LRRC36: variants seen among roughly 807,000 people sequenced by gnomAD.
LRRC36 encodes leucine rich repeat containing 36.
Under a neutral mutation model 81.1 loss-of-function variants are expected in LRRC36, and 62 were observed. That is an observed-to-expected ratio of 0.76 (90% confidence interval 0.62 to 0.94). The LOEUF (loss-of-function observed/expected upper bound fraction) is 0.94, where lower values mean the gene tolerates loss of function less well. Among genes scored for constraint, LRRC36 ranks in the 40% least tolerant of loss-of-function variants. LRRC36 has a pLI of 0.00. For synonymous variants in LRRC36, 334 were observed against 348.6 expected (o/e 0.96, Z 0.47); for missense variants, 761 against 881.7 (o/e 0.86, Z 1.73).
chr16:67,328,018 A>G (rs1331282007), intron 1 of LRRC36, among the ~76,000 whole-genome samples: 3 of 152,172 alleles, frequency 2.0e-5, no homozygotes, highest in African/African-American at 7.2e-5. Flanking sequence ...ACTTTTGCTG[A>G]AAATTTTAGC....
intron 2 of LRRC36, among the ~76,000 whole-genome samples, chr16:67,345,189 C>T (rs1477183542): frequency 6.6e-6 from 1 of 151,828 alleles, no homozygotes; most frequent in Non-Finnish European, 1.5e-5. Context: ...GTGCCACATG[C>T]CTGTATTCCC....
rs2038563472 is a variant in LRRC36, at chr16:67,350,293, A to G, written c.577+3A>G. On this transcript the variant is annotated splice_donor_region_variant and intron_variant, in intron 5 of 13. Transcript: ENST00000329956. ...TGTTGACAGCAGGATTGAAATGGGT[A>G]AGTTTTCTCCCTGTGATTATAAAAT... 1.9e-6 allele frequency: 3 copies of G among 1,607,110 alleles called. No homozygotes were observed. The highest frequency in any genetic ancestry group is 2.6e-6 in the Non-Finnish European group (3 of 1,175,032).
chr16:67,384,394 A>G (rs1236245670), intron 13 of LRRC36, among the ~76,000 whole-genome samples: 1 of 152,178 alleles, frequency 6.6e-6, no homozygotes, highest in Admixed American at 6.5e-5. Context: ...AGATCCCACC[A>G]TTGCACTCTA....
chr16:67,379,983 A>G (rs2040051032), intron 12 of LRRC36, among the ~76,000 whole-genome samples: 1 of 152,100 alleles, frequency 6.6e-6, no homozygotes, highest in Non-Finnish European at 1.5e-5. Context: ...TTGTTTTTAT[A>G]ATGGTTATAT....
chr16:67,340,996 ATATAGAATATGTATTC>A (rs1389295058), intron 1 of LRRC36, among the ~76,000 whole-genome samples: 230 of 120,242 alleles, frequency 1.9e-3, no homozygotes, highest in Non-Finnish European at 2.0e-3. Context: ...TGTATATTAT[ATATAGAATATGTATTC>A]TATAGAATAT....
chr16:67,346,348 C>T lies in LRRC36; in HGVS notation c.291C>T (p.Pro97=), dbSNP rs1156725483. ...LVEVSRLQPL[P]FLKELDLRLN... ...AAGTGTCCCGTCTACAACCGTTACC[C>T]TTCCTCAAAGAACTGGATTTGAGAC... The change falls in exon 3 of 14, where the codon CCC becomes CCT. Residue 97 remains proline, a synonymous_variant. Transcript: ENST00000329956. The T allele has an allele frequency of 3.1e-6, 5 of 1,612,862 alleles. No individual in the cohort carries two copies. The highest frequency in any genetic ancestry group is 4.2e-6 in the Non-Finnish European group (5 of 1,178,942).
chr16:67,373,237 A>G (rs887452590), intron 9 of LRRC36, among the ~76,000 whole-genome samples: 3 of 152,174 alleles, frequency 2.0e-5, no homozygotes, highest in South Asian at 2.1e-4. Flanking sequence ...AAATTTCAAT[A>G]TGCTTTTCTA....
At chr16:67,350,415 A>G (rs2038572241) in intron 5 of LRRC36, 125 bp downstream of exon 5, 2 of 800,282 alleles carry the variant, frequency 2.5e-6, no homozygotes, top group Non-Finnish European at 4.1e-6. Flanking sequence ...GCACAGGTTT[A>G]CTGGCTGTGT....
At chr16:67,383,922 A>T (rs927672922) in intron 13 of LRRC36, among the ~76,000 whole-genome samples, 2 of 152,176 alleles carry the variant, frequency 1.3e-5, no homozygotes, top group African/African-American at 4.8e-5. Context: ...TTAACATTTC[A>T]TCTTGAAAAT....
chr16:67,362,269 T>A (rs1403116435), intron 5 of LRRC36: 1 of 442,760 alleles, frequency 2.3e-6, no homozygotes, highest in African/African-American at 2.0e-5. Flanking sequence ...TTCAAGCAGT[T>A]CTCCTGCCTC....
chr16:67,343,673 C>T (rs548256184), intron 2 of LRRC36, among the ~76,000 whole-genome samples: 14 of 134,422 alleles, frequency 1.0e-4, no homozygotes, highest in South Asian at 4.7e-4. Context: ...CCAGCCTGGG[C>T]AAAAGAGTGA....
chr16:67,371,931 A>AT (rs1201542399), intron 9 of LRRC36: 1 of 152,634 alleles, frequency 6.6e-6, no homozygotes, highest in Non-Finnish European at 1.5e-5. Context: ...AGTTAAAAGG[A>AT]TTTAAAATTT....
At position 67,378,235 on chromosome 16, in the gene LRRC36, CTTTTTTTT is replaced by C. The variant is rs1015471341; in HGVS notation, c.1807-339_1807-332del. 6.0e-4 allele frequency among the ~76,000 whole-genome samples: 60 copies of C among 100,486 alleles called. 1 individual carries two copies. Among genetic ancestry groups the C allele is most frequent in the African/African-American group, 2.8e-3 (58 of 21,086 alleles). The allele number at this position is 100,486 out of a possible 152,430, so 65.9% of individuals were successfully genotyped here. A position where few individuals can be genotyped will look rare whatever the true frequency, so the allele number is the denominator to read the frequency against. On this transcript the variant is annotated intron_variant, in intron 11 of 13. Transcript: ENST00000329956. ...TAAACACACCTTAGCATGTCAGATT[CTTTTTTTT>C]TTTTTTTTTTTTTTGAGACGGATTC... is the stretch of plus-strand genomic sequence containing the variant.
At chr16:67,363,519 A>G (rs2039252710) in intron 5 of LRRC36, 71 bp from the exon 6 acceptor site, 3 of 1,523,968 alleles carry the variant, frequency 2.0e-6, no homozygotes, top group Non-Finnish European at 2.7e-6. Flanking sequence ...TTTAGTATCT[A>G]TCCATTAGAC....
rs566896949 is a variant in LRRC36, at chr16:67,326,875, T to A, written c.13T>A (p.Trp5Arg). 89 of 1,441,496 alleles carry A rather than the reference T, an allele frequency of 6.2e-5. 1 individual carries two copies. In the South Asian group the frequency reaches 1.3e-3, roughly 21 times the overall value. 89.3% of individuals were successfully genotyped at this position (1,441,496 alleles called of 1,614,324 possible). The change falls in exon 1 of 14, where the codon TGG becomes AGG. Residue 5 changes from tryptophan (W) to arginine (R), a missense_variant. Around this residue, in one of 3 missense-constraint regions of LRRC36, gnomAD observed 263 missense variants for 279.3 expected, o/e 0.94. Coordinates refer to ENST00000329956, the MANE Select transcript of LRRC36 (RefSeq NM_018296.6). ...GCGGCGGGCGGGGATGGCGGAGCAATGGGAGCTGGACGAGGAAGGCATTCG... is the reference window on the plus strand; with the variant it reads ...GCGGCGGGCGGGGATGGCGGAGCAAAGGGAGCTGGACGAGGAAGGCATTCG... The part of the protein sequence containing the change: MAEQ[W>R]ELDEEGIRRL...
intron 5 of LRRC36, among the ~76,000 whole-genome samples, chr16:67,350,883 A>T (rs943888574): frequency 1.3e-5 from 2 of 152,172 alleles, no homozygotes; most frequent in Non-Finnish European, 2.9e-5. Flanking sequence ...TACTAAAAAT[A>T]CAAAATTAGC....
chr16:67,329,474 G>A (rs71393944), intron 1 of LRRC36, among the ~76,000 whole-genome samples: 2 of 151,674 alleles, frequency 1.3e-5, no homozygotes, highest in South Asian at 2.1e-4. Context: ...TGTATTTTTA[G>A]TAGAGACGGG....
intron 3 of LRRC36, 137 bp from the exon 4 acceptor site, chr16:67,347,358 A>C: frequency 6.8e-7 from 1 of 1,476,568 alleles, no homozygotes; most frequent in South Asian, 1.3e-5. Flanking sequence ...TAATAGCATT[A>C]TTTTGTGACC....
intron 13 of LRRC36, 28 bp downstream of exon 13, chr16:67,382,275 C>G (rs1349678696): frequency 6.6e-7 from 1 of 1,515,502 alleles, no homozygotes; most frequent in Non-Finnish European, 9.1e-7. Context: ...TAGCTTGCTT[C>G]TAGAAGCAGA....
Sources: gnomAD v4.1 joint callset for allele counts (sites outside exome capture counted in the v4.1 genomes callset) on GRCh38, gnomAD v4.1.1 for gene constraint, gnomAD v4.1.1 regional missense constraint, MANE v1.5 for transcripts, NCBI Gene and HGNC (gene_info 2026-07-23, HGNC 2026-07-21) for gene names.